The following PRUNE2 variants were observed in gnomAD, a reference collection of about 807,000 sequenced individuals.
PRUNE2 encodes the protein protein prune homolog 2.
In PRUNE2, 164 loss-of-function variants were observed where a neutral mutation model predicts 252.0. That is an observed-to-expected ratio of 0.65 (90% CI 0.57 to 0.74). The LOEUF is 0.74. Among genes scored for constraint, PRUNE2 ranks in the 30% least tolerant of loss-of-function variants. The pLI, the probability that PRUNE2 is intolerant of heterozygous loss-of-function variation, is 0.00. For missense variants in PRUNE2, 3,495 were observed against 3,711.0 expected, an observed-to-expected ratio of 0.94 and a Z score of 1.51; for synonymous variants, 1,292 against 1,350.2, an observed-to-expected ratio of 0.96 and a Z score of 0.94.
chr9:76,840,135 A>C, intron 4 of PRUNE2, among the ~76,000 whole-genome samples: 1 of 151,818 alleles, frequency 6.6e-6, no homozygotes, highest in East Asian at 1.9e-4. Context: ...CTTGGAACTA[A>C]ACAAAGTCAC....
intron 6 of PRUNE2, among the ~76,000 whole-genome samples, chr9:76,814,167 G>A (rs911001452): frequency 1.3e-5 from 2 of 152,088 alleles, no homozygotes; most frequent in African/African-American, 2.4e-5. Flanking sequence ...GTTTTTTTGA[G>A]AACCTGTTGT....
intron 9 of PRUNE2, among the ~76,000 whole-genome samples, chr9:76,665,828 G>A (rs1022171655): frequency 6.6e-6 from 1 of 152,118 alleles, no homozygotes; most frequent in East Asian, 1.9e-4. Context: ...GAGGTCAGGA[G>A]TTCGAGATCT....
chr9:76,697,425 G>C (rs1376924377), intron 9 of PRUNE2, among the ~76,000 whole-genome samples: 1 of 152,092 alleles, frequency 6.6e-6, no homozygotes, highest in Admixed American at 6.5e-5. Flanking sequence ...CCAACCACTC[G>C]AGTTGGTCCC....
intron 6 of PRUNE2, among the ~76,000 whole-genome samples, chr9:76,772,123 C>CTTT (rs1308843756): frequency 6.6e-6 from 1 of 152,148 alleles, no homozygotes; most frequent in East Asian, 1.9e-4. Flanking sequence ...CACCCTTCCG[C>CTTT]CCTTGTAAGC....
intron 9 of PRUNE2, among the ~76,000 whole-genome samples, chr9:76,702,851 G>A (rs1453817715): frequency 1.3e-5 from 2 of 152,272 alleles, no homozygotes; most frequent in African/African-American, 2.4e-5. Flanking sequence ...GGCAAGCTTC[G>A]AATCCCAGGT....
At chr9:76,775,463 AT>A (rs574665074) in intron 6 of PRUNE2, among the ~76,000 whole-genome samples, 53 of 138,250 alleles carry the variant, frequency 3.8e-4, no homozygotes, top group African/African-American at 1.4e-3. Context: ...TGCCCAGCTA[AT>A]TTTTGTGGTT....
rs930650279 is a variant in PRUNE2, at chr9:76,611,897, G to A, written c.*2673C>T. 4 of 152,576 alleles carry A rather than the reference G, an allele frequency of 2.6e-5. No homozygotes were observed. Among genetic ancestry groups the A allele is most frequent in the Non-Finnish European group, 5.9e-5 (4 of 68,034 alleles). 9.5% of individuals were successfully genotyped at this position (152,576 alleles called of 1,614,324 possible). On this transcript the variant is annotated 3_prime_UTR_variant, in exon 19 of 19. Coordinates refer to ENST00000376718, the MANE Select transcript of PRUNE2 (RefSeq NM_015225.3). ...ATGCTTTTGCCCCAATGACCCCTTG[G>A]TTCCCTTAACTACAGATCTATAGGA...
At chr9:76,857,619 T>C (rs2060329080) in intron 1 of PRUNE2, among the ~76,000 whole-genome samples, 1 of 152,136 alleles carries the variant, frequency 6.6e-6, no homozygotes, top group Non-Finnish European at 1.5e-5. Context: ...TCCTGCCTGC[T>C]TGGAGGAATA....
chr9:76,697,099 T>C (rs544706777), intron 9 of PRUNE2, among the ~76,000 whole-genome samples: 26 of 152,358 alleles, frequency 1.7e-4, no homozygotes, highest in African/African-American at 6.0e-4. Context: ...CATGGCTTCT[T>C]GTCTTCCTCA....
chr9:76,629,314 A>T (rs1003142172), intron 15 of PRUNE2, 24 bp from the exon 16 acceptor site: 4 of 1,222,852 alleles, frequency 3.3e-6, no homozygotes, highest in East Asian at 2.5e-5. Context: ...AAAGAAAAAA[A>T]TATGTATCAT....
intron 1 of PRUNE2, among the ~76,000 whole-genome samples, chr9:76,855,488 T>C (rs2060207056): frequency 6.6e-6 from 1 of 152,214 alleles, no homozygotes; most frequent in South Asian, 2.1e-4. Flanking sequence ...TTTAGTTATC[T>C]ACTACATATT....
rs555832988 is a variant in PRUNE2, at chr9:76,662,996, A to G, written c.8277-7494T>C. 9.2e-5 allele frequency among the ~76,000 whole-genome samples: 14 copies of G among 152,328 alleles called. No homozygotes were observed. The South Asian group carries it at 2.9e-3, about 32-fold the overall frequency. On this transcript the variant is annotated intron_variant, in intron 9 of 18. Coordinates refer to ENST00000376718, the MANE Select transcript of PRUNE2 (RefSeq NM_015225.3). ...TTGCCTTCCCTCGTTAAGAATATCA[A>G]TTAGCCTATGGGCTGGAGGACTGCC...
At chr9:76,717,705 G>C (rs369531777) in intron 6 of PRUNE2, among the ~76,000 whole-genome samples, 2 of 151,808 alleles carry the variant, frequency 1.3e-5, no homozygotes, top group Admixed American at 6.6e-5. Flanking sequence ...CACACCTTCT[G>C]CATTTGTGAC....
At chr9:76,856,740 T>C (rs186901224) in intron 1 of PRUNE2, among the ~76,000 whole-genome samples, 46 of 152,148 alleles carry the variant, frequency 3.0e-4, no homozygotes, top group African/African-American at 1.1e-3. Context: ...TGGTGTCATA[T>C]GCCTCTCTTT....
At chr9:76,840,000 G>T (rs2059292446) in intron 4 of PRUNE2, among the ~76,000 whole-genome samples, 1 of 152,226 alleles carries the variant, frequency 6.6e-6, no homozygotes, top group Non-Finnish European at 1.5e-5. Flanking sequence ...CCGTGTTAAG[G>T]ATGTGGTACT....
At chr9:76,753,918 A>AG (rs2050863836) in intron 6 of PRUNE2, among the ~76,000 whole-genome samples, 1 of 112,936 alleles carries the variant, frequency 8.9e-6, no homozygotes, top group Non-Finnish European at 1.9e-5. Flanking sequence ...ACTCTGTCTC[A>AG]GAAAAAAAAA....
chr9:76,798,153 T>TA (rs373891115), intron 6 of PRUNE2, among the ~76,000 whole-genome samples: 173 of 152,248 alleles, frequency 1.1e-3, no homozygotes, highest in African/African-American at 3.9e-3. Context: ...ACATAAAACA[T>TA]AAAATTTACC....
intron 8 of PRUNE2, among the ~76,000 whole-genome samples, chr9:76,704,437 C>A (rs1417377605): frequency 6.6e-6 from 1 of 152,160 alleles, no homozygotes; most frequent in Non-Finnish European, 1.5e-5. Flanking sequence ...GCTGCCCAGG[C>A]TGGTCTCGAA....
intron 17 of PRUNE2, among the ~76,000 whole-genome samples, chr9:76,623,044 GA>G (rs1270316899): frequency 1.3e-5 from 2 of 152,198 alleles, no homozygotes; most frequent in Non-Finnish European, 2.9e-5. Context: ...CAACTATGCA[GA>G]AAATGTCTAT....
Sources: gnomAD v4.1 joint callset for allele counts (sites outside exome capture counted in the v4.1 genomes callset) on GRCh38, gnomAD v4.1.1 for gene constraint, MANE v1.5 for transcripts, NCBI Gene and HGNC (gene_info 2026-07-23, HGNC 2026-07-21) for gene names.